Variants in ZMIZ1 observed in about 807,000 individuals in gnomAD.
ZMIZ1 encodes the protein zinc finger MIZ-type containing 1, also known as zinc finger MIZ domain-containing protein 1.
A neutral mutation model predicts 113.9 loss-of-function variants in ZMIZ1; 17 were observed. That is an observed-to-expected ratio of 0.15 (90% CI 0.10 to 0.22). The LOEUF (loss-of-function observed/expected upper bound fraction) is 0.22. ZMIZ1 is among the 10% of genes least tolerant of loss of function. ZMIZ1 has a pLI of 1.00. For synonymous variants in ZMIZ1, 607 were observed against 603.1 expected, an observed-to-expected ratio of 1.01 and a Z score of -0.09; for missense variants, 1,059 against 1,477.8, an observed-to-expected ratio of 0.72 and a Z score of 4.65.
At chr10:79,141,889 G>A (rs1456883104) in intron 3 of ZMIZ1, among the ~76,000 whole-genome samples, 2 of 152,234 alleles carry the variant, frequency 1.3e-5, no homozygotes, top group African/African-American at 4.8e-5. Flanking sequence ...GACAAGTGTG[G>A]AGCAGAGAGA....
At chr10:79,246,457 G>T (rs550151768) in intron 7 of ZMIZ1, among the ~76,000 whole-genome samples, 2 of 152,308 alleles carry the variant, frequency 1.3e-5, no homozygotes, top group African/African-American at 4.8e-5. Context: ...TGAGCGATGC[G>T]GCATGGGTCC....
chr10:79,291,509 G>A (rs1263486786), intron 10 of ZMIZ1, among the ~76,000 whole-genome samples: 3 of 152,254 alleles, frequency 2.0e-5, no homozygotes, highest in Non-Finnish European at 2.9e-5. Context: ...TGGGAAAGTC[G>A]AAGAGCAGGT....
chr10:79,161,642 A>T (rs998339733), intron 3 of ZMIZ1, among the ~76,000 whole-genome samples: 1 of 152,132 alleles, frequency 6.6e-6, no homozygotes, highest in Non-Finnish European at 1.5e-5. Flanking sequence ...CACTGCTTTT[A>T]CTTTTGTATC....
chr10:79,268,483 G>A (rs2131936172), intron 7 of ZMIZ1, among the ~76,000 whole-genome samples: 1 of 152,364 alleles, frequency 6.6e-6, no homozygotes, highest in East Asian at 1.9e-4. Context: ...GGGTCTCAGT[G>A]TCTGTCCTTC....
At chr10:79,207,268 A>G (rs1848354229) in intron 5 of ZMIZ1, among the ~76,000 whole-genome samples, 1 of 152,188 alleles carries the variant, frequency 6.6e-6, no homozygotes, top group African/African-American at 2.4e-5. Context: ...AGGAGGTGCC[A>G]TCATCTCTGC....
At chr10:79,158,325 GC>G (rs1845981669) in intron 3 of ZMIZ1, among the ~76,000 whole-genome samples, 2 of 152,266 alleles carry the variant, frequency 1.3e-5, no homozygotes, top group South Asian at 4.1e-4. Flanking sequence ...AGGGCCATCT[GC>G]CCCCTCCCCC....
chr10:79,081,409 C>T (rs545190819), intron 1 of ZMIZ1, among the ~76,000 whole-genome samples: 9 of 152,272 alleles, frequency 5.9e-5, no homozygotes, highest in Non-Finnish European at 8.8e-5. Flanking sequence ...GGTTGTAAGA[C>T]GTGGCAGTAG....
At chr10:79,226,459 C>T (rs911811260) in intron 7 of ZMIZ1, among the ~76,000 whole-genome samples, 1 of 152,226 alleles carries the variant, frequency 6.6e-6, no homozygotes, top group Non-Finnish European at 1.5e-5. Flanking sequence ...GCCAAAACAA[C>T]CCCCACCAGC....
chr10:79,204,207 A>C lies in ZMIZ1; in HGVS notation c.60+2515A>C, dbSNP rs1176737607. Among the ~76,000 whole-genome samples, 3 of 152,114 alleles carry C rather than the reference A, an allele frequency of 2.0e-5. No individual in the cohort carries two copies. In the East Asian group the frequency reaches 5.8e-4, roughly 29 times the overall value. On this transcript the variant is annotated intron_variant, in intron 5 of 24. Coordinates refer to ENST00000334512, the MANE Select transcript of ZMIZ1 (RefSeq NM_020338.4). The stretch of plus-strand genomic sequence containing the variant: ...GGCTGGTAGGGGCTCACCTCTCCAC[A>C]CAGCCTTCCCTTCCTGCCCTCACCT...
chr10:79,193,720 A>G (rs1010207045), intron 4 of ZMIZ1, among the ~76,000 whole-genome samples: 7 of 152,164 alleles, frequency 4.6e-5, no homozygotes, highest in Non-Finnish European at 1.5e-5. Flanking sequence ...AAAGAGCACG[A>G]AAGAGTGACA....
chr10:79,301,016 T>C, intron 17 of ZMIZ1, 74 bp downstream of exon 17: 1 of 1,562,590 alleles, frequency 6.4e-7, no homozygotes, highest in South Asian at 1.2e-5. Context: ...CGGAATACCC[T>C]GCCCCACTCT....
At chr10:79,166,291 G>A (rs1232587734) in intron 4 of ZMIZ1, among the ~76,000 whole-genome samples, 2 of 152,208 alleles carry the variant, frequency 1.3e-5, no homozygotes, top group African/African-American at 4.8e-5. Flanking sequence ...GTCATCCTCA[G>A]GGCTCTGCAC....
At chr10:79,252,061 G>A (rs1057510376) in intron 7 of ZMIZ1, among the ~76,000 whole-genome samples, 9 of 152,112 alleles carry the variant, frequency 5.9e-5, no homozygotes, top group Admixed American at 5.2e-4. Context: ...CTTCTGTCCA[G>A]GCCAACTTTG....
At chr10:79,085,669 C>T (rs1265077036) in intron 1 of ZMIZ1, among the ~76,000 whole-genome samples, 1 of 152,218 alleles carries the variant, frequency 6.6e-6, no homozygotes, top group Non-Finnish European at 1.5e-5. Flanking sequence ...TTAGGATTAC[C>T]AGCAGCAGGC....
At chr10:79,288,535 TACAC>T (rs58375306) in intron 8 of ZMIZ1, among the ~76,000 whole-genome samples, 3 of 151,514 alleles carry the variant, frequency 2.0e-5, no homozygotes, top group East Asian at 1.9e-4. Context: ...CACACACACA[TACAC>T]ACACACACAC....
At chr10:79,127,203 G>A (rs1229227398) in intron 2 of ZMIZ1, among the ~76,000 whole-genome samples, 1 of 152,202 alleles carries the variant, frequency 6.6e-6, no homozygotes, top group African/African-American at 2.4e-5. Context: ...TGCCAGGCAT[G>A]CTGCCGGCGC....
chr10:79,297,128 A>G (rs1171487145), intron 13 of ZMIZ1, among the ~76,000 whole-genome samples: 1 of 152,104 alleles, frequency 6.6e-6, no homozygotes, highest in Non-Finnish European at 1.5e-5. Context: ...ATGGCTGCCT[A>G]ATATTCTGCT....
intron 4 of ZMIZ1, among the ~76,000 whole-genome samples, chr10:79,165,165 C>A (rs1371776610): frequency 2.0e-5 from 3 of 152,202 alleles, no homozygotes; most frequent in African/African-American, 7.2e-5. Flanking sequence ...GTAACCTCAG[C>A]AGCTCCCTTT....
chr10:79,093,054 G>A (rs1000741671), intron 1 of ZMIZ1, among the ~76,000 whole-genome samples: 2 of 151,536 alleles, frequency 1.3e-5, no homozygotes, highest in African/African-American at 4.9e-5. Context: ...GAGGTACAGA[G>A]AGTACCCAGC....
Sources: gnomAD v4.1 joint callset for allele counts (sites outside exome capture counted in the v4.1 genomes callset) on GRCh38, gnomAD v4.1.1 for gene constraint, MANE v1.5 for transcripts, NCBI Gene and HGNC (gene_info 2026-07-23, HGNC 2026-07-21) for gene names.